Variants in SSH2 observed in about 807,000 individuals in gnomAD.
SSH2 encodes protein phosphatase Slingshot homolog 2.
Under a neutral mutation model 135.2 loss-of-function variants are expected in SSH2, and 37 were observed. The observed-to-expected ratio is 0.27, with a 90% CI of 0.21 to 0.36. SSH2 has a LOEUF of 0.36. SSH2 is among the 10% of genes least tolerant of loss of function. SSH2 has a pLI of 1.00. For synonymous variants in SSH2, 628 were observed against 646.2 expected, an observed-to-expected ratio of 0.97 and a Z score of 0.43; for missense variants, 1,408 against 1,765.3, an observed-to-expected ratio of 0.80 and a Z score of 3.63.
In SSH2 at chr17:29,720,953, C is replaced by A. The variant is rs550327895; in HGVS notation, c.189-17891G>T. On this transcript the variant is annotated intron_variant, in intron 3 of 15. Transcript: ENST00000540801. Reference sequence around the variant, plus strand: ...CAGAATCACTACAGAATTGTAACACCATTACAGATGAAAAATTCACTCTAC... The same window carrying A: ...CAGAATCACTACAGAATTGTAACACAATTACAGATGAAAAATTCACTCTAC... Among the ~76,000 whole-genome samples, 3 of 152,258 alleles carry A rather than the reference C, an allele frequency of 2.0e-5. No individual in the cohort carries two copies. The East Asian group carries it at 5.8e-4, about 29-fold the overall frequency.
intron 3 of SSH2, among the ~76,000 whole-genome samples, chr17:29,705,242 C>A (rs1375379218): frequency 2.6e-5 from 4 of 152,132 alleles, no homozygotes; most frequent in African/African-American, 9.7e-5. Context: ...GTCCATGGCA[C>A]CAGCATTCCT....
chr17:29,899,535 T>A (rs983610377), intron 1 of SSH2, among the ~76,000 whole-genome samples: 45 of 152,114 alleles, frequency 3.0e-4, no homozygotes, highest in Non-Finnish European at 5.6e-4. Context: ...CACAATTGCT[T>A]CAAAGAGAAT....
chr17:29,738,564 T>A (rs1420622507), intron 3 of SSH2, among the ~76,000 whole-genome samples: 1 of 150,748 alleles, frequency 6.6e-6, no homozygotes, highest in Non-Finnish European at 1.5e-5. Flanking sequence ...TATTTTATTT[T>A]TTTTTTTGAG....
chr17:29,703,133 T>G, intron 3 of SSH2, 71 bp from the exon 4 acceptor site: 2 of 1,047,546 alleles, frequency 1.9e-6, no homozygotes, highest in South Asian at 2.5e-5. Flanking sequence ...GGATAACCAC[T>G]TTTGGATTCT....
At chr17:29,716,717 G>T in intron 3 of SSH2, 2 of 574,534 alleles carry the variant, frequency 3.5e-6, no homozygotes, top group Non-Finnish European at 6.6e-6. Flanking sequence ...TGGCAGTTCC[G>T]GCTGAAAGTC....
chr17:29,863,034 G>A (rs899890007), intron 1 of SSH2, among the ~76,000 whole-genome samples: 2 of 151,992 alleles, frequency 1.3e-5, no homozygotes, highest in Non-Finnish European at 2.9e-5. Context: ...CAGCCAGCAA[G>A]CTAAGAATGG....
At chr17:29,775,089 C>G (rs2041669018) in intron 3 of SSH2, among the ~76,000 whole-genome samples, 2 of 152,140 alleles carry the variant, frequency 1.3e-5, no homozygotes, top group Admixed American at 1.3e-4. Flanking sequence ...CTGTAAGGTG[C>G]CTATTGCTAT....
intron 3 of SSH2, among the ~76,000 whole-genome samples, chr17:29,770,657 G>C (rs762892485): frequency 1.3e-5 from 2 of 151,856 alleles, no homozygotes; most frequent in Non-Finnish European, 2.9e-5. Flanking sequence ...ATTTTTAGTA[G>C]AGATGAGGTT....
At chr17:29,725,747 G>A (rs557556051) in intron 3 of SSH2, among the ~76,000 whole-genome samples, 1 of 152,268 alleles carries the variant, frequency 6.6e-6, no homozygotes, top group Admixed American at 6.5e-5. Flanking sequence ...GGGGCCTGTC[G>A]GAGGGCTGGG....
At chr17:29,734,981 T>G (rs2040317501) in intron 3 of SSH2, among the ~76,000 whole-genome samples, 2 of 152,090 alleles carry the variant, frequency 1.3e-5, no homozygotes, top group African/African-American at 4.8e-5. Context: ...CTTGGGTTTC[T>G]AAATCAAATA....
intron 1 of SSH2, among the ~76,000 whole-genome samples, chr17:29,872,059 G>GA (rs1308212776): frequency 2.6e-5 from 4 of 152,112 alleles, no homozygotes. Context: ...TTGTTAAATG[G>GA]AAAAACACTG....
intron 2 of SSH2, among the ~76,000 whole-genome samples, chr17:29,844,146 T>C (rs1446264997): frequency 6.6e-6 from 1 of 152,124 alleles, no homozygotes; most frequent in Admixed American, 6.6e-5. Flanking sequence ...TTTTTTCTGA[T>C]TGCACAGAAT....
At chr17:29,911,771 C>T (rs1212717039) in intron 1 of SSH2, among the ~76,000 whole-genome samples, 1 of 152,106 alleles carries the variant, frequency 6.6e-6, no homozygotes, top group East Asian at 1.9e-4. Flanking sequence ...CTGATAGAAG[C>T]TAAGAATCAG....
intron 3 of SSH2, among the ~76,000 whole-genome samples, chr17:29,755,768 TCTC>T (rs1333249188): frequency 1.3e-5 from 2 of 150,600 alleles, no homozygotes; most frequent in African/African-American, 4.8e-5. Context: ...TTCACGCCAT[TCTC>T]CTGCCTCAGC....
chr17:29,926,288 C>T (rs1368616136), intron 1 of SSH2, among the ~76,000 whole-genome samples: 1 of 151,660 alleles, frequency 6.6e-6, no homozygotes, highest in Non-Finnish European at 1.5e-5. Context: ...CCTGTAATCC[C>T]AGCACTTTGG....
chr17:29,733,165 A>T (rs920064241), intron 3 of SSH2, among the ~76,000 whole-genome samples: 1 of 152,252 alleles, frequency 6.6e-6, no homozygotes. Context: ...AAATGGGGAC[A>T]GAGCTCACTC....
rs9893228 is a variant in SSH2, at chr17:29,842,703, A to T, written c.144+6146T>A. On this transcript the variant is annotated intron_variant, in intron 2 of 15. Coordinates refer to ENST00000540801, the MANE Select transcript of SSH2 (RefSeq NM_001282129.2). ...TAACCTGGAACAAAATAAGTTTAAC[A>T]TCACATTCCTATTAGTGTAAATTTG... Among the ~76,000 whole-genome samples the T allele has an allele frequency of 6.5e-3, 995 of 152,356 alleles. 6 individuals carry two copies. Among genetic ancestry groups the T allele is most frequent in the African/African-American group, 0.023 (954 of 41,582 alleles).
At chr17:29,753,333 T>C (rs978165433) in intron 3 of SSH2, among the ~76,000 whole-genome samples, 44 of 151,736 alleles carry the variant, frequency 2.9e-4, no homozygotes, top group African/African-American at 9.9e-4. Context: ...TTTCACCATG[T>C]TGTCCAGGCT....
intron 2 of SSH2, among the ~76,000 whole-genome samples, chr17:29,803,174 T>A (rs2042280810): frequency 6.6e-6 from 1 of 152,258 alleles, no homozygotes; most frequent in Admixed American, 6.5e-5. Flanking sequence ...TATTGCTTTA[T>A]AACAAATTAC....
Sources: gnomAD v4.1 joint callset for allele counts (sites outside exome capture counted in the v4.1 genomes callset) on GRCh38, gnomAD v4.1.1 for gene constraint, MANE v1.5 for transcripts, NCBI Gene and HGNC (gene_info 2026-07-23, HGNC 2026-07-21) for gene names.